P4HB: variants seen among roughly 807,000 people sequenced by gnomAD.
The protein encoded by P4HB is prolyl 4-hydroxylase subunit beta, also known as protein disulfide-isomerase.
P4HB carries 20 observed loss-of-function variants against 52.6 expected under a neutral mutation model. That is an observed-to-expected ratio of 0.38 (90% CI 0.27 to 0.55). The LOEUF (loss-of-function observed/expected upper bound fraction) is 0.55. Among genes scored for constraint, P4HB ranks in the 20% least tolerant of loss-of-function variants. The pLI, the probability that P4HB is intolerant of heterozygous loss-of-function variation, is 0.74. For synonymous variants in P4HB, 296 were observed against 277.9 expected (o/e 1.07, Z -0.65); for missense variants, 601 against 669.2 (o/e 0.90, Z 1.12).
intron 4 of P4HB, among the ~76,000 whole-genome samples, chr17:81,852,094 G>A (rs2143340919): frequency 6.6e-6 from 1 of 152,326 alleles, no homozygotes; most frequent in Admixed American, 6.5e-5. Flanking sequence ...GGGGTGGGAG[G>A]ACTGCTTGAG....
At chr17:81,860,254 G>A in intron 1 of P4HB, 73 bp downstream of exon 1, 1 of 1,240,020 alleles carries the variant, frequency 8.1e-7, no homozygotes, top group Non-Finnish European at 1.0e-6. Flanking sequence ...GGGGGCTGCC[G>A]GGCCGTGCCT....
rs1239461744 is a variant in P4HB at position 81,860,525 on chromosome 17, G to A, written c.-54C>T. On this transcript the variant is annotated 5_prime_UTR_variant, in exon 1 of 11. Coordinates refer to ENST00000331483, the MANE Select transcript of P4HB (RefSeq NM_000918.4). Reference sequence around the variant, plus strand: ...GGTTGGCGCCGCCGGGACAGCGGGGGCGACGAGAGCGCGCGCCGGTCCCGG... The same window carrying A: ...GGTTGGCGCCGCCGGGACAGCGGGGACGACGAGAGCGCGCGCCGGTCCCGG... 8.9e-6 allele frequency: 11 copies of A among 1,229,632 alleles called. No individual in the cohort carries two copies. The highest frequency in any genetic ancestry group is 6.3e-5 in the African/African-American group (4 of 63,944). 76.2% of individuals were successfully genotyped at this position (1,229,632 alleles called of 1,614,324 possible).
chr17:81,851,842 C>G (rs1442898208), intron 4 of P4HB, among the ~76,000 whole-genome samples: 1 of 152,230 alleles, frequency 6.6e-6, no homozygotes, highest in Non-Finnish European at 1.5e-5. Context: ...CAGGGCACAG[C>G]AGCAGGAGGC....
Position 81,859,227 on chromosome 17 carries a change from G to A in P4HB, c.306C>T (p.Ile102=). The change falls in exon 2 of 11, where the codon ATC becomes ATT. Residue 102 remains isoleucine (I), a synonymous_variant. Coordinates refer to ENST00000331483, the MANE Select transcript of P4HB (RefSeq NM_000918.4). Reference sequence around the variant, plus strand: ...CCGTGTCTCCATTCCTGAAGAACTTGATGGTGGGATAGCCGCGCACGCCGT... The same window carrying A: ...CCGTGTCTCCATTCCTGAAGAACTTAATGGTGGGATAGCCGCGCACGCCGT... ...QQYGVRGYPT[I]KFFRNGDTAS... The A allele has an allele frequency of 6.2e-7, 1 of 1,614,012 alleles. No individual in the cohort carries two copies. Among genetic ancestry groups the A allele is most frequent in the Non-Finnish European group, 8.5e-7 (1 of 1,180,020 alleles).
In P4HB at chr17:81,845,886, C is replaced by T. The variant is rs775484483; in HGVS notation, c.1162G>A (p.Val388Ile). 12 of 1,613,854 alleles carry T rather than the reference C, an allele frequency of 7.4e-6. No individual in the cohort carries two copies. Among genetic ancestry groups the T allele is most frequent in the Admixed American group, 1.7e-5 (1 of 59,980 alleles). ...EDVAFDEKKNVFVEFYAPWCG... is the reference protein window; with the variant it reads ...EDVAFDEKKNIFVEFYAPWCG... ...CAACACTTACAGAACTCCACAAAGA[C>T]GTTTTTTTTCTCATCAAAAGCCACG... Residue 388 changes from valine (V) to isoleucine (I), a missense_variant, in exon 8 of 11, where the codon GTC becomes ATC. Transcript: ENST00000331483.
Position 81,855,343 on chromosome 17 carries a change from C to A in P4HB, c.487-64G>T. On this transcript the variant is annotated intron_variant, in intron 3 of 10. Coordinates refer to ENST00000331483, the MANE Select transcript of P4HB (RefSeq NM_000918.4). The surrounding 1 kb of genome is among the most constrained non-coding windows in gnomAD (Gnocchi z 4.3). Reference sequence around the variant, plus strand: ...GCAGCACCAAGCAGTAGGGCAGACCCTGTAGAGCCCAGGCCAGGGGGGACA... The same window carrying A: ...GCAGCACCAAGCAGTAGGGCAGACCATGTAGAGCCCAGGCCAGGGGGGACA... The A allele has an allele frequency of 6.2e-7, 1 of 1,607,784 alleles. No homozygotes were observed. Among genetic ancestry groups the A allele is most frequent in the Non-Finnish European group, 8.5e-7 (1 of 1,175,654 alleles).
At chr17:81,845,285 T>C (rs2038716046) in intron 9 of P4HB, 55 bp from the exon 10 acceptor site, 1 of 1,374,870 alleles carries the variant, frequency 7.3e-7, no homozygotes, top group Non-Finnish European at 1.0e-6. Context: ...GCCAATCTCC[T>C]GGCATTGGCT....
At chr17:81,849,465 G>C (rs908410835) in intron 4 of P4HB, among the ~76,000 whole-genome samples, 1 of 151,956 alleles carries the variant, frequency 6.6e-6, no homozygotes, top group African/African-American at 2.4e-5. Context: ...CACTGCATTC[G>C]AGCCTGGCAA....
In P4HB at chr17:81,846,983, G is replaced by A. The variant is rs1232225228; in HGVS notation, c.819C>T (p.Ser273=). The change falls in exon 6 of 11, where the codon AGC becomes AGT. Residue 273 remains serine (S), a synonymous_variant. Coordinates refer to ENST00000331483, the MANE Select transcript of P4HB (RefSeq NM_000918.4). This position sits in a 1 kb window ranked among gnomAD's most constrained non-coding sequence, Gnocchi z 5.7. ...KSVSDYDGKL[S]NFKTAAESFK... is the part of the protein sequence containing the mutation. ...AGCTCTCGGCTGCTGTTTTGAAGTT[G>A]CTCAGTTTGCCGTCATAGTCAGACA... 2 of 1,614,100 alleles carry A rather than the reference G, an allele frequency of 1.2e-6. No individual in the cohort carries two copies. Among genetic ancestry groups the A allele is most frequent in the East Asian group, 2.2e-5 (1 of 44,894 alleles).
chr17:81,852,781 A>G (rs186839453), intron 4 of P4HB, among the ~76,000 whole-genome samples: 56 of 152,362 alleles, frequency 3.7e-4, no homozygotes, highest in African/African-American at 1.3e-3. Context: ...TCGCGGACAC[A>G]TATCACCAAA....
rs200458007 is a variant in P4HB, at chr17:81,847,025, C to T, written c.777G>A (p.Leu259=). ...AGTCAGACACACTCTTGGGCAAGAACAGCAGGATGTGAGTCTTGATTTCAC... is the reference window on the plus strand; with the variant it reads ...AGTCAGACACACTCTTGGGCAAGAATAGCAGGATGTGAGTCTTGATTTCAC... ...FGGEIKTHIL[L]FLPKSVSDYD... Residue 259 remains leucine (L), a synonymous_variant, in exon 6 of 11, where the codon CTG becomes CTA. Transcript: ENST00000331483. 2.2e-5 allele frequency: 35 copies of T among 1,614,002 alleles called. No homozygotes were observed. Among genetic ancestry groups the T allele is most frequent in the African/African-American group, 9.3e-5 (7 of 74,954 alleles).
Position 81,845,759 on chromosome 17 carries a change from T to G in P4HB, c.1178-17A>C, listed in dbSNP as rs1203029692. ...ATGGGGCATCTGAAAAGAAAGCAGT[T>G]CTAGGGTGTGTCCTGGACACAAAGC... is the stretch of plus-strand genomic sequence containing the variant. On this transcript the variant is annotated splice_polypyrimidine_tract_variant and intron_variant, in intron 8 of 10. Transcript: ENST00000331483. 1 of 1,612,946 alleles carries G rather than the reference T, an allele frequency of 6.2e-7. No homozygotes were observed. Among genetic ancestry groups the G allele is most frequent in the Admixed American group, 1.7e-5 (1 of 59,894 alleles).
chr17:81,858,158 G>C (rs1394342204), intron 2 of P4HB, among the ~76,000 whole-genome samples: 1 of 149,326 alleles, frequency 6.7e-6, no homozygotes. Flanking sequence ...TGTAGCCCCA[G>C]CTACTCAAGA....
rs770302168 is a variant in P4HB, at chr17:81,845,708, A to G, written c.1212T>C (p.Ala404=). The G allele has an allele frequency of 6.2e-7, 1 of 1,613,740 alleles. No homozygotes were observed. The highest frequency in any genetic ancestry group is 1.1e-5 in the South Asian group (1 of 91,078). Residue 404 remains alanine, a synonymous_variant, in exon 9 of 11, where the codon GCT becomes GCC. Transcript: ENST00000331483. The part of the protein sequence containing the change: ...APWCGHCKQL[A]PIWDKLGETY... Reference sequence around the variant, plus strand: ...TCTCTCCCAGTTTATCCCAAATGGGAGCCAACTGTTTGCAGTGACCACACC... The same window carrying G: ...TCTCTCCCAGTTTATCCCAAATGGGGGCCAACTGTTTGCAGTGACCACACC...
intron 4 of P4HB, among the ~76,000 whole-genome samples, chr17:81,852,899 T>G (rs1156720651): frequency 6.6e-6 from 1 of 152,272 alleles, no homozygotes; most frequent in Non-Finnish European, 1.5e-5. Flanking sequence ...GGAGAAAGTC[T>G]GCCCCAGAAC....
At chr17:81,857,189 C>G (rs945503059) in intron 2 of P4HB, among the ~76,000 whole-genome samples, 7 of 152,164 alleles carry the variant, frequency 4.6e-5, no homozygotes, top group Non-Finnish European at 8.8e-5. Context: ...CACTCTGTCA[C>G]CCAGGCTGGA....
chr17:81,843,288 G>A lies in P4HB; in HGVS notation c.*724C>T. 1 of 393,254 alleles carries A rather than the reference G, an allele frequency of 2.5e-6. No homozygotes were observed. The highest frequency in any genetic ancestry group is 4.5e-6 in the Non-Finnish European group (1 of 223,176). 24.4% of individuals were successfully genotyped at this position (393,254 alleles called of 1,614,324 possible). A position where few individuals can be genotyped will look rare whatever the true frequency, so the allele number is the denominator to read the frequency against. On this transcript the variant is annotated 3_prime_UTR_variant, in exon 11 of 11. Coordinates refer to ENST00000331483, the MANE Select transcript of P4HB (RefSeq NM_000918.4). ...GCCACCTCCCCACCCGGGAGTCAAG[G>A]GTCGTGGTTCTGCCTTGAACAGGCC...
At chr17:81,859,712 A>AC in intron 1 of P4HB, 1 of 386,548 alleles carries the variant, frequency 2.6e-6, no homozygotes. Flanking sequence ...TCTCCCCTAG[A>AC]CTTTCCCTTT....
chr17:81,843,613 G>C lies in P4HB; in HGVS notation c.*399C>G, dbSNP rs1406311479. On this transcript the variant is annotated 3_prime_UTR_variant, in exon 11 of 11. Coordinates refer to ENST00000331483, the MANE Select transcript of P4HB (RefSeq NM_000918.4). ...TCTCCGAGGAGGCCTGGCCAAGGTG[G>C]AACAAATACCCTGATGTCGAAAAAT... is the stretch of plus-strand genomic sequence containing the variant. The C allele has an allele frequency of 2.2e-6, 1 of 459,370 alleles. No homozygotes were observed. 28.5% of individuals were successfully genotyped at this position (459,370 alleles called of 1,614,324 possible). A position where few individuals can be genotyped will look rare whatever the true frequency, so the allele number is the denominator to read the frequency against.
Sources: gnomAD v4.1 joint callset for allele counts (sites outside exome capture counted in the v4.1 genomes callset) on GRCh38, gnomAD v4.1.1 for gene constraint, Gnocchi (gnomAD v3.1) non-coding constraint, MANE v1.5 for transcripts, NCBI Gene and HGNC (gene_info 2026-07-23, HGNC 2026-07-21) for gene names.